The following FGGY variants were observed in gnomAD, a reference collection of about 807,000 sequenced individuals.
The protein encoded by FGGY is FGGY carbohydrate kinase domain-containing protein.
In FGGY, 72 loss-of-function variants were observed where a neutral mutation model predicts 71.3. That is an observed-to-expected ratio of 1.01 (90% confidence interval 0.84 to 1.23). The LOEUF (loss-of-function observed/expected upper bound fraction) is 1.23. Ranked by LOEUF, FGGY falls within the 50% of genes most tolerant of loss-of-function variation. The pLI is 0.00. For missense variants in FGGY, 668 were observed against 682.3 expected (o/e 0.98, Z 0.23); for synonymous variants, 251 against 250.3 (o/e 1.00, Z -0.02).
At chr1:59,686,227 A>G (rs1410031642) in intron 14 of FGGY, among the ~76,000 whole-genome samples, 1 of 152,082 alleles carries the variant, frequency 6.6e-6, no homozygotes, top group Non-Finnish European at 1.5e-5. Flanking sequence ...TTTTCCATGA[A>G]TATTCCTTCC....
intron 5 of FGGY, among the ~76,000 whole-genome samples, chr1:59,421,153 T>G (rs2065338928): frequency 6.6e-6 from 1 of 152,116 alleles, no homozygotes; most frequent in South Asian, 2.1e-4. Context: ...AAGAAGAGTG[T>G]TAGAGAGGAT....
chr1:59,506,564 C>T (rs183661043), intron 6 of FGGY, among the ~76,000 whole-genome samples: 7 of 152,262 alleles, frequency 4.6e-5, no homozygotes, highest in African/African-American at 1.7e-4. Flanking sequence ...TTTGGGAGGC[C>T]AAGGTGGGTG....
intron 8 of FGGY, among the ~76,000 whole-genome samples, chr1:59,592,798 C>A (rs61218678): frequency 8.3e-6 from 1 of 120,172 alleles, no homozygotes; most frequent in Admixed American, 8.6e-5. Flanking sequence ...GGTGGGGGGA[C>A]GGGGGAGGGA....
chr1:59,328,102 C>A (rs2047754992), intron 2 of FGGY, among the ~76,000 whole-genome samples: 1 of 152,218 alleles, frequency 6.6e-6, no homozygotes, highest in Non-Finnish European at 1.5e-5. Context: ...TTGCCCCTAA[C>A]AAGAGAGCCA....
chr1:59,516,804 T>C (rs2094665863), intron 7 of FGGY, among the ~76,000 whole-genome samples: 1 of 152,184 alleles, frequency 6.6e-6, no homozygotes, highest in Non-Finnish European at 1.5e-5. Flanking sequence ...AATGCTGACC[T>C]GGCATGGCCT....
intron 2 of FGGY, among the ~76,000 whole-genome samples, chr1:59,335,175 A>G (rs970480053): frequency 6.6e-6 from 1 of 152,182 alleles, no homozygotes; most frequent in African/African-American, 2.4e-5. Context: ...CACCTACTCC[A>G]GTTTTAGAAC....
chr1:59,352,239 C>T (rs2053457768), intron 4 of FGGY, among the ~76,000 whole-genome samples: 1 of 152,134 alleles, frequency 6.6e-6, no homozygotes, highest in South Asian at 2.1e-4. Flanking sequence ...AAGGTGCAGA[C>T]TGAGGAAGGT....
intron 14 of FGGY, among the ~76,000 whole-genome samples, chr1:59,677,418 A>G (rs961575147): frequency 6.6e-6 from 1 of 152,086 alleles, no homozygotes; most frequent in African/African-American, 2.4e-5. Flanking sequence ...GGAGGATTTC[A>G]CTTCTTATCT....
chr1:59,437,556 G>A (rs1171319152), intron 5 of FGGY, among the ~76,000 whole-genome samples: 1 of 152,214 alleles, frequency 6.6e-6, no homozygotes, highest in Admixed American at 6.5e-5. Context: ...TCTAGTGACT[G>A]CTTTGGGGGA....
intron 7 of FGGY, among the ~76,000 whole-genome samples, chr1:59,547,787 AC>A (rs1320409101): frequency 1.3e-5 from 2 of 152,112 alleles, no homozygotes; most frequent in Admixed American, 6.5e-5. Context: ...AATATTTTTC[AC>A]CTTTATTCAT....
At chr1:59,629,189 C>A (rs1469863866) in intron 10 of FGGY, among the ~76,000 whole-genome samples, 1 of 151,784 alleles carries the variant, frequency 6.6e-6, no homozygotes, top group African/African-American at 2.4e-5. Context: ...ACATTGTGTA[C>A]ATGTACCCTG....
At position 59,620,407 on chromosome 1, in the gene FGGY, C is replaced by T. The variant is rs115674554; in HGVS notation, c.1012-5581C>T. On this transcript the variant is annotated intron_variant, in intron 9 of 15. Transcript: ENST00000303721. ...GGCAAATCACCGTGGCACTTTTCCTCTCCTGGTCTATGTAAAGTATATTTT... is the reference window on the plus strand; with the variant it reads ...GGCAAATCACCGTGGCACTTTTCCTTTCCTGGTCTATGTAAAGTATATTTT... 3.4e-3 allele frequency among the ~76,000 whole-genome samples: 514 copies of T among 151,916 alleles called. 4 individuals are homozygous for T. The highest frequency in any genetic ancestry group is 0.012 in the African/African-American group (491 of 41,468).
chr1:59,301,555 G>T (rs1043917104), intron 1 of FGGY, among the ~76,000 whole-genome samples: 2 of 152,030 alleles, frequency 1.3e-5, no homozygotes, highest in African/African-American at 4.8e-5. Flanking sequence ...TCATTATTAA[G>T]TATGATGCAT....
At chr1:59,626,113 T>A (rs1274409205) in intron 10 of FGGY, 64 bp downstream of exon 10, 1 of 1,367,422 alleles carries the variant, frequency 7.3e-7, no homozygotes, top group Non-Finnish European at 1.0e-6. Context: ...GAATTCACGT[T>A]GGGCAGTTGG....
intron 4 of FGGY, among the ~76,000 whole-genome samples, chr1:59,371,103 C>G (rs1482653801): frequency 6.6e-6 from 1 of 152,108 alleles, no homozygotes; most frequent in African/African-American, 2.4e-5. Context: ...TTAAAAGACA[C>G]AGACTGGCAA....
chr1:59,706,031 G>A (rs1349547676), intron 14 of FGGY, among the ~76,000 whole-genome samples: 2 of 152,188 alleles, frequency 1.3e-5, no homozygotes, highest in Admixed American at 1.3e-4. Context: ...ATTCTCCACA[G>A]TGGCCGACCC....
In FGGY at chr1:59,436,525, C is replaced by T. The variant is rs761497508; in HGVS notation, c.555-20436C>T. Among the ~76,000 whole-genome samples the T allele has an allele frequency of 2.6e-5, 4 of 152,118 alleles. No homozygotes were observed. In the South Asian group the frequency reaches 6.2e-4, roughly 24 times the overall value. The stretch of plus-strand genomic sequence containing the variant: ...ATCTCATTCTTCTTCTGCCCTGGCT[C>T]GTTAGGTAGGAGGTGCTTACATAAA... On this transcript the variant is annotated intron_variant, in intron 5 of 15. Transcript: ENST00000303721.
intron 5 of FGGY, among the ~76,000 whole-genome samples, chr1:59,453,797 C>T (rs966155206): frequency 1.3e-5 from 2 of 152,078 alleles, no homozygotes; most frequent in Non-Finnish European, 2.9e-5. Context: ...TAAATTCAGT[C>T]ATGTGACAGA....
chr1:59,322,892 C>G (rs1281627586), intron 2 of FGGY, among the ~76,000 whole-genome samples: 1 of 152,044 alleles, frequency 6.6e-6, no homozygotes, highest in Non-Finnish European at 1.5e-5. Context: ...AGTTTAGTTC[C>G]TTAAATATTC....
Sources: allele counts gnomAD v4.1 joint callset (sites outside exome capture counted in the v4.1 genomes callset), GRCh38; gene constraint gnomAD v4.1.1; transcripts MANE v1.5; gene names NCBI Gene and HGNC (gene_info 2026-07-23, HGNC 2026-07-21).